HLA-DRB1: variants seen among roughly 807,000 people sequenced by gnomAD.
HLA-DRB1 encodes major histocompatibility complex, class II, DR beta 1 precursor.
Under a neutral mutation model 27.9 loss-of-function variants are expected in HLA-DRB1, and 10 were observed. The ratio of observed to expected loss-of-function variants is 0.36; its 90% CI spans 0.22 to 0.61. The LOEUF is 0.61. Among genes scored for constraint, HLA-DRB1 ranks in the 20% least tolerant of loss-of-function variants. The pLI is 0.73. For missense variants in HLA-DRB1, 118 were observed against 306.3 expected, an observed-to-expected ratio of 0.39 and a Z score of 4.59; for synonymous variants, 57 against 126.7, an observed-to-expected ratio of 0.45 and a Z score of 3.69.
chr6:32,578,966 C>T (rs1064707), exon 6 of HLA-DRB1: 187,548 of 387,674 alleles, frequency 0.48, 69,490 homozygotes, highest in African/African-American at 0.69. Flanking sequence ...CTGCAGTTGC[C>T]GAACCAGTAG....
At chr6:32,586,901 A>G (rs34809635) in intron 1 of HLA-DRB1, among the ~76,000 whole-genome samples, 1 of 112,690 alleles carries the variant, frequency 8.9e-6, no homozygotes, top group African/African-American at 3.3e-5. Flanking sequence ...TTCATTAACA[A>G]GCTAAGCAAA....
At chr6:32,581,380 A>G (rs28732320) in intron 3 of HLA-DRB1, among the ~76,000 whole-genome samples, 177 bp downstream of exon 3, 16,481 of 58,026 alleles carry the variant, frequency 0.28, 4,871 homozygotes, top group East Asian at 0.41. Context: ...CTTCTCCAGG[A>G]GGTACAGGTG....
intron 2 of HLA-DRB1, among the ~76,000 whole-genome samples, chr6:32,583,775 T>G (rs9269920): frequency 0.13 from 6,023 of 47,284 alleles, 1,002 homozygotes; most frequent in Admixed American, 0.2. Context: ...AATCAAGGTC[T>G]CCTCTCTCTC....
At chr6:32,582,710 C>T (rs34257546) in intron 2 of HLA-DRB1, among the ~76,000 whole-genome samples, 6,294 of 68,358 alleles carry the variant, frequency 0.092, 310 homozygotes, top group East Asian at 0.14. Flanking sequence ...ATGCATCTCC[C>T]GTGCAACACA....
At chr6:32,587,809 A>C (rs1263256094) in intron 1 of HLA-DRB1, among the ~76,000 whole-genome samples, 2 of 121,556 alleles carry the variant, frequency 1.6e-5, no homozygotes, top group African/African-American at 6.9e-5. Flanking sequence ...TTATTGGGTT[A>C]GTGTCTGTCT....
Position 32,579,825 on chromosome 6 carries a change from CG to C in HLA-DRB1, c.787+421del, listed in dbSNP as rs1239446353. ...GTGCATTTAGAAACCTCTTGTAGGC[CG>C]GGCGCGGTGGCTCACGCCTGTAATC... is the stretch of plus-strand genomic sequence containing the variant. On this transcript the variant is annotated intron_variant, in intron 5 of 5. Coordinates refer to ENST00000360004, the Ensembl canonical transcript of HLA-DRB1. Among the ~76,000 whole-genome samples, 2 of 35,160 alleles carry C rather than the reference CG, an allele frequency of 5.7e-5. 1 individual carries two copies. Among genetic ancestry groups the C allele is most frequent in the Non-Finnish European group, 1.2e-4 (2 of 16,680 alleles). 23.1% of individuals were successfully genotyped at this position (35,160 alleles called of 152,430 possible). A position where few individuals can be genotyped will look rare whatever the true frequency, so the allele number is the denominator to read the frequency against.
chr6:32,586,444 G>A (rs111633188), intron 1 of HLA-DRB1, among the ~76,000 whole-genome samples: 13,578 of 86,296 alleles, frequency 0.16, 202 homozygotes, highest in Admixed American at 0.24. Flanking sequence ...ACCACAATTG[G>A]CCTCTCCCTT....
intron 4 of HLA-DRB1, among the ~76,000 whole-genome samples, chr6:32,580,509 C>A (rs1775274325): frequency 8.8e-6 from 1 of 113,566 alleles, no homozygotes; most frequent in African/African-American, 3.1e-5. Context: ...TCCAGGATCT[C>A]AAACCAAAGG....
chr6:32,586,373 A>C (rs577949058), intron 1 of HLA-DRB1, among the ~76,000 whole-genome samples: 1 of 77,872 alleles, frequency 1.3e-5, no homozygotes, highest in Non-Finnish European at 2.6e-5. Context: ...TATCGACTCC[A>C]CCAAACCCAG....
intron 3 of HLA-DRB1, among the ~76,000 whole-genome samples, chr6:32,581,351 C>T (rs9269792): frequency 0.4 from 21,378 of 53,780 alleles, 5,279 homozygotes; most frequent in Non-Finnish European, 0.42. Context: ...CAGTCTCTCC[C>T]GCCTGGCAGG....
chr6:32,585,862 T>C (rs1776309259), intron 1 of HLA-DRB1, among the ~76,000 whole-genome samples: 5 of 145,596 alleles, frequency 3.4e-5, no homozygotes. Flanking sequence ...GAGATGTATA[T>C]GTTTTTAAAT....
At chr6:32,584,748 G>GCTT (rs1776149447) in intron 1 of HLA-DRB1, among the ~76,000 whole-genome samples, 3 of 85,370 alleles carry the variant, frequency 3.5e-5, no homozygotes, top group East Asian at 3.4e-4. Flanking sequence ...CGCTTTACCG[G>GCTT]TACCTTCAAC....
At chr6:32,584,301 A>T (rs17882300) in exon 2 of HLA-DRB1, 166,881 of 1,249,120 alleles carry the variant, frequency 0.13, 18,720 homozygotes, top group Non-Finnish European at 0.14. Context: ...TGGTTATAGA[A>T]GTATCTGTCC....
intron 5 of HLA-DRB1, 77 bp downstream of exon 5, chr6:32,580,170 C>A (rs9269741): frequency 0.29 from 106,440 of 361,820 alleles, 39,142 homozygotes; most frequent in South Asian, 0.43. Flanking sequence ...GTCCCCACCC[C>A]ACCCAGAAGT....
chr6:32,585,485 A>T (rs9270026), intron 1 of HLA-DRB1, among the ~76,000 whole-genome samples: 76,149 of 113,104 alleles, frequency 0.67, 26,629 homozygotes, highest in Middle Eastern at 0.78. Flanking sequence ...AAATGATGAC[A>T]CTTCTTAGCA....
At chr6:32,582,522 C>T (rs1775700344) in intron 2 of HLA-DRB1, among the ~76,000 whole-genome samples, 1 of 114,512 alleles carries the variant, frequency 8.7e-6, no homozygotes, top group African/African-American at 3.6e-5. Flanking sequence ...ATACTACTCC[C>T]ATGCACTCAC....
intron 2 of HLA-DRB1, among the ~76,000 whole-genome samples, chr6:32,582,126 T>G (rs1775626702): frequency 8.3e-6 from 1 of 120,530 alleles, no homozygotes. Flanking sequence ...GTGTAGTAAT[T>G]AAAACTGATA....
chr6:32,584,304 A>G (rs11554462), exon 2 of HLA-DRB1: 122,656 of 1,148,672 alleles, frequency 0.11, 5,934 homozygotes, highest in African/African-American at 0.32. Context: ...TTATAGAAGT[A>G]TCTGTCCAGG....
chr6:32,586,766 C>CTTTTATT, intron 1 of HLA-DRB1, among the ~76,000 whole-genome samples: 1 of 83,770 alleles, frequency 1.2e-5, no homozygotes, highest in Non-Finnish European at 2.4e-5. Flanking sequence ...TTATTTCAAA[C>CTTTTATT]CACCCACTTC....
Sources: gnomAD v4.1 joint callset for allele counts (sites outside exome capture counted in the v4.1 genomes callset) on GRCh38, gnomAD v4.1.1 for gene constraint, MANE v1.5 for transcripts, NCBI Gene and HGNC (gene_info 2026-07-23, HGNC 2026-07-21) for gene names.